CALN1: variants seen among roughly 807,000 people sequenced by gnomAD.
CALN1 encodes the protein calcium-binding protein 8.
CALN1 carries 17 observed loss-of-function variants against 30.6 expected under a neutral mutation model. The ratio of observed to expected loss-of-function variants is 0.56; its 90% CI spans 0.38 to 0.83. The LOEUF is 0.83. Among genes scored for constraint, CALN1 ranks in the 40% least tolerant of loss-of-function variants. CALN1 has a pLI of 0.00. For missense variants in CALN1, 291 were observed against 354.9 expected (o/e 0.82, Z 1.45); for synonymous variants, 156 against 131.4 (o/e 1.19, Z -1.28).
At chr7:72,038,323 T>G (rs895893250) in intron 4 of CALN1, among the ~76,000 whole-genome samples, 2 of 152,026 alleles carry the variant, frequency 1.3e-5, no homozygotes, top group African/African-American at 4.8e-5. Flanking sequence ...GAATTCCCAT[T>G]ACATCAGCAT....
intron 3 of CALN1, among the ~76,000 whole-genome samples, chr7:72,187,316 T>C (rs1286674254): frequency 6.6e-6 from 1 of 152,114 alleles, no homozygotes; most frequent in Non-Finnish European, 1.5e-5. Context: ...GGAATTCTTG[T>C]CCATAGAGAT....
chr7:72,065,380 C>T (rs956437920), intron 4 of CALN1, among the ~76,000 whole-genome samples: 4 of 151,944 alleles, frequency 2.6e-5, no homozygotes, highest in African/African-American at 7.3e-5. Flanking sequence ...TCCCCGCCCC[C>T]CTGCCCCTGC....
chr7:71,801,976 CA>C (rs769583866), intron 6 of CALN1, among the ~76,000 whole-genome samples: 80 of 132,014 alleles, frequency 6.1e-4, no homozygotes, highest in Admixed American at 5.5e-4. Context: ...AGACTGTGTC[CA>C]AAAAAAAAAA....
intron 5 of CALN1, among the ~76,000 whole-genome samples, chr7:72,019,115 T>C (rs1411911057): frequency 6.6e-6 from 1 of 151,908 alleles, no homozygotes; most frequent in Non-Finnish European, 1.5e-5. Flanking sequence ...CCTCCCTAAG[T>C]GCTGGGATTA....
intron 5 of CALN1, among the ~76,000 whole-genome samples, chr7:71,912,145 T>TA (rs1794456428): frequency 6.6e-6 from 1 of 152,032 alleles, no homozygotes; most frequent in African/African-American, 2.4e-5. Flanking sequence ...CAGTGAACGT[T>TA]AGTCTTCTGT....
chr7:72,149,558 T>G (rs1487831921), intron 3 of CALN1, among the ~76,000 whole-genome samples: 1 of 152,018 alleles, frequency 6.6e-6, no homozygotes. Context: ...AAAAACAGAT[T>G]AACACACACA....
chr7:71,967,293 C>T (rs1218444736), intron 5 of CALN1, among the ~76,000 whole-genome samples: 1 of 151,948 alleles, frequency 6.6e-6, no homozygotes, highest in Non-Finnish European at 1.5e-5. Flanking sequence ...ATAATGAACA[C>T]ACGAGATATA....
chr7:72,403,665 G>C (rs1236886528), intron 1 of CALN1, among the ~76,000 whole-genome samples: 2 of 152,140 alleles, frequency 1.3e-5, no homozygotes, highest in Admixed American at 6.5e-5. Context: ...GCCAATAATG[G>C]GCTTTTGGAG....
chr7:72,041,202 G>A (rs940485550), intron 4 of CALN1, among the ~76,000 whole-genome samples: 1 of 152,118 alleles, frequency 6.6e-6, no homozygotes, highest in African/African-American at 2.4e-5. Context: ...AGAGGCATGT[G>A]CCTGAGAGAT....
At chr7:71,850,935 T>C (rs558790560) in intron 5 of CALN1, among the ~76,000 whole-genome samples, 1 of 152,282 alleles carries the variant, frequency 6.6e-6, no homozygotes, top group African/African-American at 2.4e-5. Flanking sequence ...AATATTGGCC[T>C]GGTGCAGTGG....
rs565653244 is a variant in CALN1 at position 71,939,794 on chromosome 7, G to A, written c.501+83863C>T. 1.4e-4 allele frequency among the ~76,000 whole-genome samples: 21 copies of A among 152,192 alleles called. No individual in the cohort carries two copies. The South Asian group carries it at 4.2e-3, about 30-fold the overall frequency. On this transcript the variant is annotated intron_variant, in intron 5 of 6. Transcript: ENST00000395275. ...GACACAGAGGATACCTAGGGGTAGA[G>A]GTCAGGGCCTGGCTGGCATGGTGCA...
chr7:71,900,817 GT>G (rs1793806859), intron 5 of CALN1, among the ~76,000 whole-genome samples: 1 of 152,172 alleles, frequency 6.6e-6, no homozygotes, highest in African/African-American at 2.4e-5. Flanking sequence ...CATTTTAATA[GT>G]AAAAAACACA....
In CALN1 at chr7:72,342,020, G is replaced by A. The variant is rs116494621; in HGVS notation, c.119+61231C>T. ...TAATACCGATACTTTGGAAGGTCTA[G>A]GTGGGAGGATTACTGGAGGTTGGGA... On this transcript the variant is annotated intron_variant, in intron 2 of 6. Coordinates refer to ENST00000395275, the MANE Select transcript of CALN1 (RefSeq NM_031468.4). 8.0e-3 allele frequency among the ~76,000 whole-genome samples: 1,225 copies of A among 152,198 alleles called. 19 individuals are homozygous for A. The highest frequency in any genetic ancestry group is 0.027 in the African/African-American group (1,109 of 41,536).
intron 5 of CALN1, among the ~76,000 whole-genome samples, chr7:71,847,619 T>C (rs1035061820): frequency 6.7e-6 from 1 of 148,572 alleles, no homozygotes; most frequent in African/African-American, 2.5e-5. Flanking sequence ...GGGGCAGAGG[T>C]TGCAGTGAGC....
At chr7:71,844,925 T>C (rs1159288634) in intron 5 of CALN1, among the ~76,000 whole-genome samples, 2 of 152,214 alleles carry the variant, frequency 1.3e-5, no homozygotes, top group African/African-American at 4.8e-5. Context: ...AATCTTGCTC[T>C]GTTGCCCAGG....
At chr7:71,989,132 G>A (rs945772708) in intron 5 of CALN1, among the ~76,000 whole-genome samples, 6 of 152,202 alleles carry the variant, frequency 3.9e-5, no homozygotes, top group Non-Finnish European at 7.3e-5. Context: ...AGTGCCAACT[G>A]TGAACTATAG....
chr7:72,328,518 G>C (rs1262367979), intron 2 of CALN1, among the ~76,000 whole-genome samples: 1 of 152,136 alleles, frequency 6.6e-6, no homozygotes, highest in Non-Finnish European at 1.5e-5. Context: ...CCAGTCTCAG[G>C]TATGTCTTTA....
chr7:72,194,866 A>G (rs935937812), intron 3 of CALN1, among the ~76,000 whole-genome samples: 4 of 152,012 alleles, frequency 2.6e-5, no homozygotes, highest in African/African-American at 9.7e-5. Context: ...CTGGGATTAC[A>G]GGTGTGAGCC....
chr7:72,266,713 T>C (rs543150940), intron 3 of CALN1, among the ~76,000 whole-genome samples: 1 of 152,206 alleles, frequency 6.6e-6, no homozygotes, highest in African/African-American at 2.4e-5. Flanking sequence ...TACTCGGGTT[T>C]CTTTCTTGGC....
Sources: gnomAD v4.1 joint callset for allele counts (sites outside exome capture counted in the v4.1 genomes callset) on GRCh38, gnomAD v4.1.1 for gene constraint, MANE v1.5 for transcripts, NCBI Gene and HGNC (gene_info 2026-07-23, HGNC 2026-07-21) for gene names.